Variants in NLRP12 observed in about 807,000 individuals in gnomAD.
NLRP12 encodes the protein NLR family pyrin domain containing 12, also known as NACHT, LRR and PYD domains-containing protein 12.
A neutral mutation model predicts 91.2 loss-of-function variants in NLRP12; 108 were observed. The observed-to-expected ratio is 1.18, with a 90% confidence interval of 1.01 to 1.39. NLRP12 has a LOEUF of 1.39. Ranked by LOEUF, NLRP12 falls within the 40% of genes most tolerant of loss-of-function variation. The pLI, the probability that NLRP12 is intolerant of heterozygous loss-of-function variation, is 0.00. For missense variants in NLRP12, 1,530 were observed against 1,352.7 expected (o/e 1.13, Z -2.06); for synonymous variants, 613 against 566.7 (o/e 1.08, Z -1.16).
chr19:53,796,216 A>C (rs2091757252), intron 8 of NLRP12, 187 bp from the exon 9 acceptor site: 1 of 647,384 alleles, frequency 1.5e-6, no homozygotes. Flanking sequence ...ACAGGTGTGC[A>C]CCACCACCAA....
chr19:53,818,618 A>T (rs7258858), intron 1 of NLRP12, among the ~76,000 whole-genome samples: 96,174 of 151,822 alleles, frequency 0.63, 31,144 homozygotes, highest in Non-Finnish European at 0.72. Context: ...TGAGCCGAGA[A>T]CGCACCACTG....
At chr19:53,823,249 T>C (rs966248631) in intron 1 of NLRP12, among the ~76,000 whole-genome samples, 2 of 141,868 alleles carry the variant, frequency 1.4e-5, no homozygotes, top group East Asian at 2.0e-4. Flanking sequence ...ATATTTAATA[T>C]ATAATATTTA....
chr19:53,806,706 AAATT>A (rs1204396052), intron 4 of NLRP12, among the ~76,000 whole-genome samples: 5 of 113,150 alleles, frequency 4.4e-5, no homozygotes, highest in Non-Finnish European at 7.8e-5. Context: ...AAAAAAAAAG[AAATT>A]AGCCGGGTGT....
intron 2 of NLRP12, 144 bp from the exon 3 acceptor site, chr19:53,811,432 T>G (rs2092074936): frequency 7.6e-6 from 7 of 925,178 alleles, no homozygotes; most frequent in Non-Finnish European, 1.2e-5. Context: ...GAGAATCACT[T>G]GAACCCCTGA....
chr19:53,804,224 G>A, intron 5 of NLRP12, 102 bp from the exon 6 acceptor site: 1 of 1,328,234 alleles, frequency 7.5e-7, no homozygotes, highest in South Asian at 1.3e-5. Context: ...ACAGGTTGTT[G>A]CTCTGTCACC....
At chr19:53,800,173 C>T (rs924580386) in intron 7 of NLRP12, among the ~76,000 whole-genome samples, 22 of 152,114 alleles carry the variant, frequency 1.4e-4, no homozygotes, top group Admixed American at 7.9e-4. Flanking sequence ...GGCATGGTGG[C>T]GGGCACCTTT....
intron 1 of NLRP12, among the ~76,000 whole-genome samples, chr19:53,818,034 C>A (rs1242368543): frequency 1.3e-5 from 2 of 151,450 alleles, no homozygotes; most frequent in African/African-American, 4.9e-5. Context: ...TCACGTGCCT[C>A]AGCCTCCAAC....
chr19:53,801,208 T>A lies in NLRP12; in HGVS notation c.2756+19A>T. 6.2e-7 allele frequency: 1 copy of A among 1,612,402 alleles called. No individual in the cohort carries two copies. The highest frequency in any genetic ancestry group is 2.2e-5 in the East Asian group (1 of 44,806). ...TCATGGATTGGGACTCCTAGCGTGG[T>A]GAGCAAAACGGGACTCACCGCAGGG... On this transcript the variant is annotated intron_variant, in intron 7 of 9. Transcript: ENST00000324134.
rs374037208 is a variant in NLRP12 at position 53,824,162 on chromosome 19, C to T, written c.13G>A (p.Ala5Thr). The T allele has an allele frequency of 4.0e-5, 64 of 1,613,828 alleles. No homozygotes were observed. The highest frequency in any genetic ancestry group is 5.1e-5 in the Non-Finnish European group (60 of 1,180,006). ...AGGCGACAGAGGCCGTCCCTGCCTG[C>T]GGTTCGTAGCATGGGGGTGCCGTGA... MLRT[A>T]GRDGLCRLST... is the part of the protein sequence containing the mutation. Residue 5 changes from alanine (A) to threonine (T), a missense_variant, in exon 1 of 10, where the codon GCA (alanine) becomes ACA (threonine). By Grantham distance (58) the Ala-to-Thr change is moderately conservative. Transcript: ENST00000324134.
At chr19:53,812,774 G>A (rs1240882540) in intron 2 of NLRP12, among the ~76,000 whole-genome samples, 2 of 151,724 alleles carry the variant, frequency 1.3e-5, no homozygotes, top group Non-Finnish European at 2.9e-5. Context: ...ACAAATATGT[G>A]TACTTTTAAT....
intron 7 of NLRP12, among the ~76,000 whole-genome samples, chr19:53,798,654 C>T (rs1027592430): frequency 6.6e-6 from 1 of 152,186 alleles, no homozygotes; most frequent in Non-Finnish European, 1.5e-5. Context: ...GTCATCCCAG[C>T]ATCTTGGGAG....
chr19:53,809,543 A>AAAC, intron 3 of NLRP12, 44 bp downstream of exon 3: 1 of 1,392,012 alleles, frequency 7.2e-7, no homozygotes. Context: ...AAAAAAAAAC[A>AAAC]CACGAACCTA....
At position 53,794,000 on chromosome 19, in the gene NLRP12, C is replaced by G; in HGVS notation, c.*49G>C. ...TGCTGGGGGGGTGATGAGCACCCTC[C>G]CATCTTCCTCTGTCCAGATCTCAGG... On this transcript the variant is annotated 3_prime_UTR_variant, in exon 10 of 10. Transcript: ENST00000324134. 2.3e-6 allele frequency: 3 copies of G among 1,293,924 alleles called. No individual in the cohort carries two copies. The highest frequency in any genetic ancestry group is 3.4e-6 in the Non-Finnish European group (3 of 887,970). The allele number at this position is 1,293,924 out of a possible 1,614,324, so 80.2% of individuals were successfully genotyped here. A position where few individuals can be genotyped will look rare whatever the true frequency, so the allele number is the denominator to read the frequency against.
intron 1 of NLRP12, among the ~76,000 whole-genome samples, chr19:53,815,318 T>A (rs2092142473): frequency 7.4e-6 from 1 of 135,854 alleles, no homozygotes; most frequent in African/African-American, 2.8e-5. Flanking sequence ...AACCTCCACC[T>A]CCTGAATTCA....
chr19:53,813,592 A>G (rs560604426), intron 2 of NLRP12, among the ~76,000 whole-genome samples: 1 of 147,490 alleles, frequency 6.8e-6, no homozygotes, highest in South Asian at 2.2e-4. Flanking sequence ...GTGAGCCACC[A>G]TGCCGGGCGT....
At position 53,810,605 on chromosome 19, in the gene NLRP12, G is replaced by T. The variant is rs199881207; in HGVS notation, c.1054C>A (p.Arg352Ser). The T allele has an allele frequency of 3.1e-6, 5 of 1,614,044 alleles. No homozygotes were observed. Among genetic ancestry groups the T allele is most frequent in the Non-Finnish European group, 4.2e-6 (5 of 1,179,996 alleles). Residue 352 changes from arginine (R) to serine (S), a missense_variant, in exon 3 of 10, where the codon CGT becomes AGT. Physicochemically the swap from Arg to Ser is moderately radical, Grantham distance 110. Transcript: ENST00000324134. ...TRPTALEKLH[R>S]LLEHPRHVEI... ...ACATGCCTGGGGTGCTCCAGCAGAC[G>T]GTGGAGCTTCTCCAAAGCCGTGGGC...
In NLRP12 at chr19:53,810,736, C is replaced by T; in HGVS notation, c.923G>A (p.Gly308Glu). The T allele has an allele frequency of 6.2e-7, 1 of 1,613,994 alleles. No individual in the cohort carries two copies. The highest frequency in any genetic ancestry group is 1.1e-5 in the South Asian group (1 of 91,082). The change falls in exon 3 of 10, where the codon GGA (glycine) becomes GAA (glutamate). Residue 308 changes from glycine (G) to glutamate (E), a missense_variant. Gly to Glu is a moderately conservative substitution (Grantham distance 98). Coordinates refer to ENST00000324134, the MANE Select transcript of NLRP12 (RefSeq NM_144687.4). ...CTCCTCCCAGCAGAGGCACCAGGGTCCCTGAGGATCGTGGAAAGAAGGCTT... is the reference window on the plus strand; with the variant it reads ...CTCCTCCCAGCAGAGGCACCAGGGTTCCTGAGGATCGTGGAAAGAAGGCTT... The part of the protein sequence containing the change: ...ELKPSFHDPQ[G>E]PWCLCWEEKR...
intron 1 of NLRP12, among the ~76,000 whole-genome samples, chr19:53,819,657 A>G (rs1339650493): frequency 0.025 from 357 of 14,298 alleles, 35 homozygotes; most frequent in African/African-American, 0.056. Context: ...GTATATATAT[A>G]CACATGTATA....
In NLRP12 at chr19:53,810,738, C is replaced by G; in HGVS notation, c.921G>C (p.Gln307His). The change falls in exon 3 of 10, where the codon CAG (glutamine) becomes CAC (histidine). Residue 307 changes from glutamine to histidine, a missense_variant. Gln to His is a conservative substitution (Grantham distance 24, BLOSUM62 0). Transcript: ENST00000324134. ...CCTCCCAGCAGAGGCACCAGGGTCC[C>G]TGAGGATCGTGGAAAGAAGGCTTGA... ...DELKPSFHDP[Q>H]GPWCLCWEEK... 1 of 1,614,038 alleles carries G rather than the reference C, an allele frequency of 6.2e-7. No homozygotes were observed. The highest frequency in any genetic ancestry group is 8.5e-7 in the Non-Finnish European group (1 of 1,180,022).
Sources: gnomAD v4.1 joint callset for allele counts (sites outside exome capture counted in the v4.1 genomes callset) on GRCh38, gnomAD v4.1.1 for gene constraint, MANE v1.5 for transcripts, NCBI Gene and HGNC (gene_info 2026-07-23, HGNC 2026-07-21) for gene names.